The following KATNAL1 variants were observed in gnomAD, a reference collection of about 807,000 sequenced individuals.
KATNAL1 encodes katanin catalytic subunit A1 like 1, also known as katanin p60 ATPase-containing subunit A-like 1.
A neutral mutation model predicts 55.2 loss-of-function variants in KATNAL1; 32 were observed. The ratio of observed to expected loss-of-function variants is 0.58; its 90% CI spans 0.44 to 0.78. The LOEUF (loss-of-function observed/expected upper bound fraction) is 0.78, where lower values mean the gene tolerates loss of function less well. KATNAL1 is among the 30% of genes least tolerant of loss of function. KATNAL1 has a pLI of 0.00. For synonymous variants in KATNAL1, 193 were observed against 193.6 expected (o/e 1.00, Z 0.02); for missense variants, 466 against 600.9 (o/e 0.78, Z 2.35).
At chr13:30,220,272 C>A (rs1347330262) in intron 9 of KATNAL1, among the ~76,000 whole-genome samples, 3 of 152,030 alleles carry the variant, frequency 2.0e-5, no homozygotes, top group Non-Finnish European at 2.9e-5. Flanking sequence ...ACCAGCCTGG[C>A]CAACATGGTG....
At chr13:30,231,540 C>CT in intron 6 of KATNAL1, 68 bp from the exon 7 acceptor site, 1 of 1,015,518 alleles carries the variant, frequency 9.8e-7, no homozygotes, top group Non-Finnish European at 1.3e-6. Context: ...TTATCATCAG[C>CT]TATTAATGTA....
chr13:30,218,948 G>T (rs1874581562), intron 9 of KATNAL1, among the ~76,000 whole-genome samples: 1 of 152,102 alleles, frequency 6.6e-6, no homozygotes, highest in Non-Finnish European at 1.5e-5. Context: ...TTGTTAAACT[G>T]CAAGAGTAAG....
At chr13:30,213,197 C>A (rs903335939) in intron 9 of KATNAL1, among the ~76,000 whole-genome samples, 1 of 152,152 alleles carries the variant, frequency 6.6e-6, no homozygotes, top group African/African-American at 2.4e-5. Context: ...TTCCTCGACA[C>A]ATACACCCTC....
At chr13:30,289,395 A>T (rs1284153292) in intron 1 of KATNAL1, among the ~76,000 whole-genome samples, 2 of 152,222 alleles carry the variant, frequency 1.3e-5, no homozygotes, top group Non-Finnish European at 1.5e-5. Context: ...TTACTTCACT[A>T]TTGATAAATG....
intron 3 of KATNAL1, among the ~76,000 whole-genome samples, chr13:30,262,899 G>T (rs937174531): frequency 2.6e-5 from 4 of 152,030 alleles, no homozygotes; most frequent in African/African-American, 7.2e-5. Flanking sequence ...TACCAAAGCC[G>T]GGCAGAGACA....
rs906613589 is a variant in KATNAL1, at chr13:30,231,389, G to C, written c.810C>G (p.Phe270Leu). The change falls in exon 7 of 11, where the codon TTC becomes TTG. Residue 270 changes from phenylalanine to leucine, a missense_variant. By Grantham distance (22) the Phe-to-Leu change is conservative. This residue lies in a region of KATNAL1 where 213 missense variants were observed against 308.6 expected (regional missense o/e 0.69). Coordinates refer to ENST00000380615, the MANE Select transcript of KATNAL1 (RefSeq NM_032116.5). ...ATGTCAGTGTAGAAGACGAAACGTT[G>C]AAGAATGTTGTACCACATTCAGTGG... The part of the protein sequence containing the change: ...AVATECGTTF[F>L]NVSSSTLTSK... 11 of 1,609,400 alleles carry C rather than the reference G, an allele frequency of 6.8e-6. No homozygotes were observed. Among genetic ancestry groups the C allele is most frequent in the Non-Finnish European group, 6.8e-6 (8 of 1,177,780 alleles).
chr13:30,258,645 G>A (rs1878983678), intron 3 of KATNAL1, among the ~76,000 whole-genome samples: 1 of 152,150 alleles, frequency 6.6e-6, no homozygotes, highest in African/African-American at 2.4e-5. Context: ...AGATCATGAT[G>A]ATATCCCTCC....
chr13:30,260,402 T>C (rs186665968), intron 3 of KATNAL1, among the ~76,000 whole-genome samples: 1 of 152,252 alleles, frequency 6.6e-6, no homozygotes, highest in East Asian at 1.9e-4. Flanking sequence ...AGAGAAGGCT[T>C]CAGACGATCA....
intron 6 of KATNAL1, among the ~76,000 whole-genome samples, chr13:30,239,545 A>G (rs1877039502): frequency 6.6e-6 from 1 of 152,252 alleles, no homozygotes; most frequent in East Asian, 1.9e-4. Flanking sequence ...TGTTGCAGAA[A>G]AAAATTATTT....
intron 9 of KATNAL1, among the ~76,000 whole-genome samples, chr13:30,218,478 T>C (rs1305320578): frequency 6.6e-6 from 1 of 152,032 alleles, no homozygotes; most frequent in Non-Finnish European, 1.5e-5. Context: ...CTACAGCAAA[T>C]TGTATTTACC....
intron 6 of KATNAL1, among the ~76,000 whole-genome samples, chr13:30,236,048 C>T (rs1876642232): frequency 6.6e-6 from 1 of 151,976 alleles, no homozygotes; most frequent in African/African-American, 2.4e-5. Flanking sequence ...AAGGTCTTCA[C>T]CTTGGATAGG....
At chr13:30,242,410 C>G (rs1877367483) in intron 4 of KATNAL1, among the ~76,000 whole-genome samples, 1 of 152,164 alleles carries the variant, frequency 6.6e-6, no homozygotes, top group South Asian at 2.1e-4. Context: ...TGGGCATCTT[C>G]TACGTGCAAT....
chr13:30,287,743 C>T (rs927198989), intron 1 of KATNAL1, among the ~76,000 whole-genome samples: 8 of 152,048 alleles, frequency 5.3e-5, no homozygotes, highest in Admixed American at 6.5e-5. Context: ...AAATTATTTC[C>T]CTTTAAAGTC....
At position 30,210,454 on chromosome 13, in the gene KATNAL1, T is replaced by C; in HGVS notation, c.1148-12A>G. On this transcript the variant is annotated splice_polypyrimidine_tract_variant and intron_variant, in intron 9 of 10. Transcript: ENST00000380615. ...AGCTCTTCCTTTTGCTGTTACAAGA[T>C]TTTGGTGGTGTTGTTAGATGTTTTA... 1.3e-6 allele frequency: 2 copies of C among 1,593,548 alleles called. No individual in the cohort carries two copies. Among genetic ancestry groups the C allele is most frequent in the Non-Finnish European group, 8.5e-7 (1 of 1,173,710 alleles).
Position 30,202,760 on chromosome 13 carries a change from G to A in KATNAL1, c.*5780C>T, listed in dbSNP as rs1018312183. 2 of 152,134 alleles carry A rather than the reference G, an allele frequency of 1.3e-5. No homozygotes were observed. Among genetic ancestry groups the A allele is most frequent in the South Asian group, 2.1e-4 (1 of 4,826 alleles). The allele number at this position is 152,134 out of a possible 1,614,324, so 9.4% of individuals were successfully genotyped here. On this transcript the variant is annotated 3_prime_UTR_variant, in exon 11 of 11. Coordinates refer to ENST00000380615, the MANE Select transcript of KATNAL1 (RefSeq NM_032116.5). Reference sequence around the variant, plus strand: ...CATTTAATAAATACAACTTGGAAACGTCTTTTTCTTTAAATTAGGTTCAAA... The same window carrying A: ...CATTTAATAAATACAACTTGGAAACATCTTTTTCTTTAAATTAGGTTCAAA...
chr13:30,208,240 T>C lies in KATNAL1; in HGVS notation c.*300A>G, dbSNP rs1462759854. The stretch of plus-strand genomic sequence containing the variant: ...AATAGGGGTATTTCTAAATCTTCTG[T>C]ATTCCTAAAATATCACACTGCGCCC... On this transcript the variant is annotated 3_prime_UTR_variant, in exon 11 of 11. Transcript: ENST00000380615. 4.4e-6 allele frequency: 1 copy of C among 229,544 alleles called. No individual in the cohort carries two copies. Among genetic ancestry groups the C allele is most frequent in the Non-Finnish European group, 8.4e-6 (1 of 119,296 alleles). 14.2% of individuals were successfully genotyped at this position (229,544 alleles called of 1,614,324 possible). A position where few individuals can be genotyped will look rare whatever the true frequency, so the allele number is the denominator to read the frequency against.
At chr13:30,293,314 G>A (rs1484061101) in intron 1 of KATNAL1, among the ~76,000 whole-genome samples, 2 of 151,080 alleles carry the variant, frequency 1.3e-5, no homozygotes, top group Non-Finnish European at 2.9e-5. Flanking sequence ...CTTTTTTATT[G>A]AGGTATATAA....
chr13:30,294,073 C>T lies in KATNAL1; in HGVS notation c.-14-10282G>A, dbSNP rs61948762. ...TGTTGCCCTCTCTCTCTCTTCTCCT[C>T]GGGCCTCCTTTTCCCGGAGACACAA... On this transcript the variant is annotated intron_variant, in intron 1 of 10. Transcript: ENST00000380615. Among the ~76,000 whole-genome samples the T allele has an allele frequency of 5.3e-5, 8 of 152,024 alleles. No individual in the cohort carries two copies. The East Asian group carries it at 1.5e-3, about 29-fold the overall frequency.
At chr13:30,210,180 A>G (rs1192766426) in intron 10 of KATNAL1, 136 bp downstream of exon 10, 1 of 597,772 alleles carries the variant, frequency 1.7e-6, no homozygotes, top group East Asian at 3.3e-5. Context: ...AAAAGGGACA[A>G]ATGGGAAACC....
Sources: gnomAD v4.1 joint callset for allele counts (sites outside exome capture counted in the v4.1 genomes callset) on GRCh38, gnomAD v4.1.1 for gene constraint, gnomAD v4.1.1 regional missense constraint, MANE v1.5 for transcripts, NCBI Gene and HGNC (gene_info 2026-07-23, HGNC 2026-07-21) for gene names.